Variants in ZNF709 observed in about 807,000 individuals in gnomAD.
The protein encoded by ZNF709 is zinc finger protein 709.
Under a neutral mutation model 10.6 loss-of-function variants are expected in ZNF709, and 15 were observed. The ratio of observed to expected loss-of-function variants is 1.41; its 90% CI spans 0.95 to 2.18. The LOEUF is 2.18. Among genes scored for constraint, ZNF709 ranks in the 30% most tolerant of loss-of-function variants. The pLI is 0.00. For synonymous variants in ZNF709, 194 were observed against 238.8 expected (o/e 0.81, Z 1.73); for missense variants, 589 against 774.0 (o/e 0.76, Z 2.84).
At position 12,464,897 on chromosome 19, in the gene ZNF709, C is replaced by T; in HGVS notation, c.1025G>A (p.Gly342Glu). ...GCTTGGAAGAGAAATGAATGCTTTC[C>T]CACATTCCTTACAATCATAGGGTTT... Reference protein sequence around the residue: ...GEKPYDCKECGKAFISLPSYR... With the variant: ...GEKPYDCKECEKAFISLPSYR... The change falls in exon 4 of 4, where the codon GGG (glycine) becomes GAG (glutamate). Residue 342 changes from glycine to glutamate, a missense_variant. Physicochemically the swap from Gly to Glu is moderately conservative, Grantham distance 98. Around this residue, in one of 2 missense-constraint regions of ZNF709, gnomAD observed 418 missense variants for 496.3 expected, o/e 0.84. Coordinates refer to ENST00000397732, the MANE Select transcript of ZNF709 (RefSeq NM_152601.4). 1 of 1,613,822 alleles carries T rather than the reference C, an allele frequency of 6.2e-7. No individual in the cohort carries two copies. Among genetic ancestry groups the T allele is most frequent in the Non-Finnish European group, 8.5e-7 (1 of 1,179,886 alleles).
Position 12,478,400 on chromosome 19 carries a change from A to G in ZNF709, c.3+6255T>C, listed in dbSNP as rs995326962. ...GCTAAACATAGAACCCAGACTTGGCAGGGCTCAACATGCAGCACAGAGTAG... is the reference window on the plus strand; with the variant it reads ...GCTAAACATAGAACCCAGACTTGGCGGGGCTCAACATGCAGCACAGAGTAG... On this transcript the variant is annotated intron_variant, in intron 1 of 3. Coordinates refer to ENST00000397732, the MANE Select transcript of ZNF709 (RefSeq NM_152601.4). Among the ~76,000 whole-genome samples, 172 of 152,356 alleles carry G rather than the reference A, an allele frequency of 1.1e-3. 1 individual carries two copies. Among genetic ancestry groups the G allele is most frequent in the African/African-American group, 3.9e-3 (163 of 41,584 alleles).
intron 1 of ZNF709, 54 bp downstream of exon 1, chr19:12,484,601 G>A (rs1970762573): frequency 1.2e-6 from 2 of 1,606,950 alleles, no homozygotes; most frequent in Non-Finnish European, 1.7e-6. Flanking sequence ...AGATCCGGCC[G>A]GTTTCAACCC....
rs559352312 is a variant in ZNF709 at position 12,483,643 on chromosome 19, T to A, written c.3+1012A>T. On this transcript the variant is annotated intron_variant, in intron 1 of 3. Coordinates refer to ENST00000397732, the MANE Select transcript of ZNF709 (RefSeq NM_152601.4). ...ACCTCTGCCTCCCGGGTTCAAGTGA[T>A]TCTCCTGCCTCAGCCTCCTGAGTAG... is the stretch of plus-strand genomic sequence containing the variant. Among the ~76,000 whole-genome samples, 4 of 152,216 alleles carry A rather than the reference T, an allele frequency of 2.6e-5. No homozygotes were observed. In the South Asian group the frequency reaches 8.3e-4, roughly 32 times the overall value.
At chr19:12,481,536 G>A (rs1159485708) in intron 1 of ZNF709, among the ~76,000 whole-genome samples, 1 of 152,018 alleles carries the variant, frequency 6.6e-6, no homozygotes, top group African/African-American at 2.4e-5. Context: ...CACCACACCC[G>A]GCCTGGTTTC....
Position 12,464,731 on chromosome 19 carries a change from A to G in ZNF709, c.1191T>C (p.Cys397=). The part of the protein sequence containing the change: ...TGEKPYECKQ[C]GKAFSCSSSF... ...AACTGGAACAACTGAAGGCTTTACC[A>G]CACTGTTTACATTCATAGGGTTTCT... Residue 397 remains cysteine (C), a synonymous_variant, in exon 4 of 4, where the codon TGT becomes TGC. Coordinates refer to ENST00000397732, the MANE Select transcript of ZNF709 (RefSeq NM_152601.4). 6.2e-7 allele frequency: 1 copy of G among 1,613,722 alleles called. No individual in the cohort carries two copies. Among genetic ancestry groups the G allele is most frequent in the East Asian group, 2.2e-5 (1 of 44,878 alleles).
Position 12,465,254 on chromosome 19 carries a change from G to C in ZNF709, c.668C>G (p.Pro223Arg). The change falls in exon 4 of 4, where the codon CCC (proline) becomes CGC (arginine). Residue 223 changes from proline (P) to arginine (R), a missense_variant. By Grantham distance (103) the Pro-to-Arg change is moderately radical. This residue lies in a region of ZNF709 where 418 missense variants were observed against 496.3 expected (regional missense o/e 0.84). Coordinates refer to ENST00000397732, the MANE Select transcript of ZNF709 (RefSeq NM_152601.4). The stretch of plus-strand genomic sequence containing the variant: ...TTTCCCGCATTCTTTACATTTATAG[G>C]GTTTCTCCCCTGTGTGCATTCTCAT... ...GHMRMHTGEK[P>R]YKCKECGKTF... is the part of the protein sequence containing the mutation. 6.2e-7 allele frequency: 1 copy of C among 1,613,286 alleles called. No individual in the cohort carries two copies. The highest frequency in any genetic ancestry group is 8.5e-7 in the Non-Finnish European group (1 of 1,179,570).
intron 1 of ZNF709, among the ~76,000 whole-genome samples, chr19:12,469,139 C>G (rs1599633228): frequency 6.6e-6 from 1 of 152,168 alleles, no homozygotes; most frequent in Non-Finnish European, 1.5e-5. Context: ...CCGCACCCAG[C>G]CACGAGATTT....
chr19:12,464,823 T>G lies in ZNF709; in HGVS notation c.1099A>C (p.Lys367Gln). ...MHTGNGPYKC[K>Q]ECGKAFDCPS... ...CAATCAAAGGCTTTCCCACATTCCT[T>G]GCATTTATAAGGTCCATTTCCAGTG... Residue 367 changes from lysine to glutamine, a missense_variant, in exon 4 of 4, where the codon AAG becomes CAG. Physicochemically the swap from Lys to Gln is moderately conservative, Grantham distance 53. Around this residue, in one of 2 missense-constraint regions of ZNF709, gnomAD observed 418 missense variants for 496.3 expected, o/e 0.84. Coordinates refer to ENST00000397732, the MANE Select transcript of ZNF709 (RefSeq NM_152601.4). 1 of 1,613,372 alleles carries G rather than the reference T, an allele frequency of 6.2e-7. No individual in the cohort carries two copies. Among genetic ancestry groups the G allele is most frequent in the Non-Finnish European group, 8.5e-7 (1 of 1,179,702 alleles).
At chr19:12,484,575 G>T in intron 1 of ZNF709, 80 bp downstream of exon 1, 1 of 1,558,938 alleles carries the variant, frequency 6.4e-7, no homozygotes, top group East Asian at 2.3e-5. Context: ...GGGGAGGCCT[G>T]GGTCCCACCA....
Position 12,484,793 on chromosome 19 carries a change from G to A in ZNF709, c.-136C>T. 1.6e-6 allele frequency: 2 copies of A among 1,218,198 alleles called. No homozygotes were observed. The highest frequency in any genetic ancestry group is 2.0e-4 in the Middle Eastern group (1 of 4,902). 75.5% of individuals were successfully genotyped at this position (1,218,198 alleles called of 1,614,324 possible). ...GACCCCAGAGCGGAGCGCAGCGGCT[G>A]GTAGCCACGCCCTCGCCGTTTGCGC... is the stretch of plus-strand genomic sequence containing the variant. On this transcript the variant is annotated 5_prime_UTR_variant, in exon 1 of 4. Coordinates refer to ENST00000397732, the MANE Select transcript of ZNF709 (RefSeq NM_152601.4).
At chr19:12,477,254 A>G (rs1385844581) in intron 1 of ZNF709, among the ~76,000 whole-genome samples, 1 of 152,224 alleles carries the variant, frequency 6.6e-6, no homozygotes, top group Non-Finnish European at 1.5e-5. Context: ...CTTCCTCACT[A>G]AACAAGTTTT....
rs1174606172 is a variant in ZNF709 at position 12,462,580 on chromosome 19, AATTT to A, written c.*1412_*1415del. The A allele has an allele frequency of 7.9e-5, 12 of 152,170 alleles. No individual in the cohort carries two copies. Among genetic ancestry groups the A allele is most frequent in the Non-Finnish European group, 1.6e-4 (11 of 68,022 alleles). 9.4% of individuals were successfully genotyped at this position (152,170 alleles called of 1,614,324 possible). ...GTATGATAAACTTTGCAGACTCAAA[AATTT>A]ATTATGATTATTTTTTAGCATAAAA... is the stretch of plus-strand genomic sequence containing the variant. On this transcript the variant is annotated 3_prime_UTR_variant, in exon 4 of 4. Transcript: ENST00000397732.
At chr19:12,476,353 C>T (rs1187621780) in intron 1 of ZNF709, among the ~76,000 whole-genome samples, 1 of 151,008 alleles carries the variant, frequency 6.6e-6, no homozygotes, top group East Asian at 1.9e-4. Flanking sequence ...GATTGCACTA[C>T]TGCACTCTGG....
In ZNF709 at chr19:12,463,936, A is replaced by G; in HGVS notation, c.*60T>C. ...AGTGAGAATTCAACTCAAAAAAAAA[A>G]AAAAAAAAAAAGGAAATAGGACAAC... On this transcript the variant is annotated 3_prime_UTR_variant, in exon 4 of 4. Transcript: ENST00000397732. 1 of 1,327,478 alleles carries G rather than the reference A, an allele frequency of 7.5e-7. No individual in the cohort carries two copies. The highest frequency in any genetic ancestry group is 9.9e-7 in the Non-Finnish European group (1 of 1,013,564). The allele number at this position is 1,327,478 out of a possible 1,614,324, so 82.2% of individuals were successfully genotyped here.
At position 12,479,181 on chromosome 19, in the gene ZNF709, T is replaced by C. The variant is rs549076239; in HGVS notation, c.3+5474A>G. 3.9e-5 allele frequency among the ~76,000 whole-genome samples: 6 copies of C among 152,164 alleles called. No individual in the cohort carries two copies. In the South Asian group the frequency reaches 1.2e-3, roughly 32 times the overall value. On this transcript the variant is annotated intron_variant, in intron 1 of 3. Coordinates refer to ENST00000397732, the MANE Select transcript of ZNF709 (RefSeq NM_152601.4). ...AGCTGGGAGTGGCAGCACACACCTGTAGTCCCAGCTACTGAAGAGGCTGAG... is the reference window on the plus strand; with the variant it reads ...AGCTGGGAGTGGCAGCACACACCTGCAGTCCCAGCTACTGAAGAGGCTGAG...
chr19:12,484,367 A>G (rs1970759081), intron 1 of ZNF709, among the ~76,000 whole-genome samples: 1 of 152,148 alleles, frequency 6.6e-6, no homozygotes, highest in South Asian at 2.1e-4. Context: ...GTGCCCCAGC[A>G]CAATCTGGGG....
chr19:12,476,556 T>C (rs906745208), intron 1 of ZNF709, among the ~76,000 whole-genome samples: 42 of 152,320 alleles, frequency 2.8e-4, no homozygotes, highest in South Asian at 6.2e-4. Flanking sequence ...ATGAAAGCTC[T>C]GTGTTAAGAG....
chr19:12,467,837 C>T (rs1463923931), intron 1 of ZNF709, among the ~76,000 whole-genome samples: 1 of 150,458 alleles, frequency 6.6e-6, no homozygotes, highest in African/African-American at 2.4e-5. Context: ...GCCGCAACCC[C>T]GTCTGAGAAG....
chr19:12,472,653 C>T (rs769333970), intron 1 of ZNF709, among the ~76,000 whole-genome samples: 2 of 151,998 alleles, frequency 1.3e-5, no homozygotes, highest in African/African-American at 4.8e-5. Flanking sequence ...AAGGTCGAGG[C>T]GAGCAGATCA....
Sources: gnomAD v4.1 joint callset for allele counts (sites outside exome capture counted in the v4.1 genomes callset) on GRCh38, gnomAD v4.1.1 for gene constraint, gnomAD v4.1.1 regional missense constraint, MANE v1.5 for transcripts, NCBI Gene and HGNC (gene_info 2026-07-23, HGNC 2026-07-21) for gene names.